The following CDH4 variants were observed in gnomAD, a reference collection of about 807,000 sequenced individuals.
The protein encoded by CDH4 is cadherin 4.
CDH4 carries 33 observed loss-of-function variants against 86.0 expected under a neutral mutation model. The ratio of observed to expected loss-of-function variants is 0.38; its 90% CI spans 0.29 to 0.51. The LOEUF is 0.51. Ranked by LOEUF, CDH4 falls within the 20% of genes least tolerant of loss-of-function variation. The probability of loss-of-function intolerance (pLI) is 0.86; values close to 1 mark genes in which losing one functional copy is unlikely to be tolerated. For missense variants in CDH4, 1,114 were observed against 1,307.4 expected, an observed-to-expected ratio of 0.85 and a Z score of 2.28; for synonymous variants, 555 against 549.4, an observed-to-expected ratio of 1.01 and a Z score of -0.14.
intron 2 of CDH4, among the ~76,000 whole-genome samples, chr20:61,375,880 G>GGTAT (rs2084866776): frequency 1.1e-4 from 12 of 111,040 alleles, no homozygotes; most frequent in South Asian, 3.2e-4. Flanking sequence ...GGTGCTGGTG[G>GGTAT]TGGTGATGGT....
intron 2 of CDH4, among the ~76,000 whole-genome samples, chr20:61,656,699 T>C (rs370084701): frequency 6.6e-6 from 1 of 152,336 alleles, no homozygotes; most frequent in African/African-American, 2.4e-5. Flanking sequence ...TGCATCGAAC[T>C]GAACCTCAGA....
At chr20:61,568,590 T>G (rs934173147) in intron 2 of CDH4, among the ~76,000 whole-genome samples, 2 of 152,232 alleles carry the variant, frequency 1.3e-5, no homozygotes, top group East Asian at 3.9e-4. Flanking sequence ...TACAACAAAT[T>G]TATGCATTCT....
Position 61,568,170 on chromosome 20 carries a change from G to A in CDH4, c.170-175393G>A, listed in dbSNP as rs567517424. ...CATGAGAATATAGTGTTGCAGATACGGTGACAGGGTTCAGCTGTGTCCCCA... is the reference window on the plus strand; with the variant it reads ...CATGAGAATATAGTGTTGCAGATACAGTGACAGGGTTCAGCTGTGTCCCCA... On this transcript the variant is annotated intron_variant, in intron 2 of 15. Transcript: ENST00000614565. 7.9e-5 allele frequency among the ~76,000 whole-genome samples: 12 copies of A among 152,190 alleles called. No individual in the cohort carries two copies. The South Asian group carries it at 1.5e-3, about 18-fold the overall frequency.
intron 2 of CDH4, among the ~76,000 whole-genome samples, chr20:61,489,010 A>G (rs988185531): frequency 5.3e-5 from 8 of 152,190 alleles, no homozygotes; most frequent in Admixed American, 1.3e-4. Flanking sequence ...TTACACTTCA[A>G]TGCGTTACTG....
At chr20:61,869,606 C>T (rs146370210) in intron 6 of CDH4, among the ~76,000 whole-genome samples, 10 of 152,268 alleles carry the variant, frequency 6.6e-5, no homozygotes, top group East Asian at 1.9e-4. Context: ...TCCAGCCTCC[C>T]GCTGACTTCC....
At chr20:61,316,970 G>A (rs1332859120) in intron 2 of CDH4, among the ~76,000 whole-genome samples, 1 of 151,878 alleles carries the variant, frequency 6.6e-6, no homozygotes, top group East Asian at 1.9e-4. Flanking sequence ...TTAAAGACGT[G>A]CCTTGCAGTG....
At chr20:61,843,629 G>A (rs1982285943) in intron 4 of CDH4, among the ~76,000 whole-genome samples, 1 of 151,694 alleles carries the variant, frequency 6.6e-6, no homozygotes, top group South Asian at 2.1e-4. Context: ...GGAGGTCAAG[G>A]CTGCAGTGAG....
intron 2 of CDH4, among the ~76,000 whole-genome samples, chr20:61,602,714 A>AC (rs1331210797): frequency 6.7e-6 from 1 of 150,178 alleles, no homozygotes; most frequent in African/African-American, 2.5e-5. Context: ...AAAAAAAAAA[A>AC]AAAAAACTTG....
chr20:61,603,950 C>T (rs12480460), intron 2 of CDH4, among the ~76,000 whole-genome samples: 4,916 of 152,232 alleles, frequency 0.032, 133 homozygotes, highest in Admixed American at 0.074. Flanking sequence ...CACATAGGCA[C>T]ACACACATGT....
At chr20:61,799,509 G>A (rs751361268) in intron 4 of CDH4, among the ~76,000 whole-genome samples, 5 of 152,194 alleles carry the variant, frequency 3.3e-5, no homozygotes, top group Non-Finnish European at 7.3e-5. Flanking sequence ...CTGGGCCTGC[G>A]TTTCCAGGTG....
intron 2 of CDH4, among the ~76,000 whole-genome samples, chr20:61,686,559 G>A (rs1386113990): frequency 6.6e-6 from 1 of 151,964 alleles, no homozygotes; most frequent in Non-Finnish European, 1.5e-5. Flanking sequence ...GCGTGTATGT[G>A]CATGTGCATT....
intron 2 of CDH4, among the ~76,000 whole-genome samples, chr20:61,609,674 A>G (rs1406531830): frequency 1.3e-5 from 2 of 152,190 alleles, no homozygotes; most frequent in African/African-American, 4.8e-5. Context: ...GCAGGTGGCC[A>G]CGCTTGGTCA....
At chr20:61,704,030 C>T (rs1403896600) in intron 2 of CDH4, among the ~76,000 whole-genome samples, 3 of 151,732 alleles carry the variant, frequency 2.0e-5, no homozygotes, top group South Asian at 2.1e-4. Flanking sequence ...GTCCCTGGCT[C>T]GAGCCAGGCC....
At chr20:61,560,196 C>G (rs572879633) in intron 2 of CDH4, among the ~76,000 whole-genome samples, 11 of 152,318 alleles carry the variant, frequency 7.2e-5, no homozygotes, top group African/African-American at 2.4e-4. Context: ...TGAATCCCCC[C>G]ACCTGCGGGT....
chr20:61,424,066 T>G (rs1436441067), intron 2 of CDH4, among the ~76,000 whole-genome samples: 1 of 151,652 alleles, frequency 6.6e-6, no homozygotes, highest in Non-Finnish European at 1.5e-5. Flanking sequence ...TACATACACA[T>G]CCACACACAG....
At chr20:61,936,243 C>CCCTCA (rs1348039001) in intron 15 of CDH4, among the ~76,000 whole-genome samples, 20 of 149,666 alleles carry the variant, frequency 1.3e-4, no homozygotes, top group African/African-American at 4.9e-4. Context: ...CATGGCCCAG[C>CCCTCA]CCTCACCTCC....
intron 2 of CDH4, among the ~76,000 whole-genome samples, chr20:61,699,282 T>C (rs1408953755): frequency 1.3e-5 from 2 of 151,906 alleles, no homozygotes; most frequent in Non-Finnish European, 2.9e-5. Flanking sequence ...GCGGCCTGGC[T>C]GATGAGGGGG....
At chr20:61,551,782 C>T (rs2086131993) in intron 2 of CDH4, among the ~76,000 whole-genome samples, 2 of 152,220 alleles carry the variant, frequency 1.3e-5, no homozygotes, top group South Asian at 4.1e-4. Flanking sequence ...TAAGGATAGA[C>T]ATATAGACCA....
intron 4 of CDH4, among the ~76,000 whole-genome samples, chr20:61,777,640 C>CCACACGCGCACACACAGGCA (rs2088857227): frequency 6.8e-6 from 1 of 147,928 alleles, no homozygotes. Context: ...AAACACACGT[C>CCACACGCGCACACACAGGCA]TACACACGCA....
Sources: gnomAD v4.1 joint callset for allele counts (sites outside exome capture counted in the v4.1 genomes callset) on GRCh38, gnomAD v4.1.1 for gene constraint, MANE v1.5 for transcripts, NCBI Gene and HGNC (gene_info 2026-07-23, HGNC 2026-07-21) for gene names.